Variants in OTOGL observed in about 807,000 individuals in gnomAD.
OTOGL encodes the protein otogelin-like protein.
A neutral mutation model predicts 318.5 loss-of-function variants in OTOGL; 285 were observed. The ratio of observed to expected loss-of-function variants is 0.89; its 90% CI spans 0.81 to 0.99. The LOEUF is 0.99. OTOGL is among the 50% of genes least tolerant of loss of function. The probability of loss-of-function intolerance (pLI) is 0.00; values close to 1 mark genes in which losing one functional copy is unlikely to be tolerated. For synonymous variants in OTOGL, 987 were observed against 936.5 expected (o/e 1.05, Z -0.99); for missense variants, 2,899 against 2,845.6 (o/e 1.02, Z -0.43).
chr12:80,365,736 A>G (rs1264505874), intron 52 of OTOGL, among the ~76,000 whole-genome samples: 1 of 152,170 alleles, frequency 6.6e-6, no homozygotes, highest in Non-Finnish European at 1.5e-5. Context: ...AGGCACTATA[A>G]AAAGCAAGAC....
At chr12:80,261,916 A>G in intron 18 of OTOGL, 53 bp from the exon 19 acceptor site, 3 of 1,575,708 alleles carry the variant, frequency 1.9e-6, no homozygotes, top group Non-Finnish European at 2.6e-6. Flanking sequence ...TCTGAAGGTT[A>G]TGAACAAATG....
chr12:80,179,964 C>G (rs913622218), intron 1 of OTOGL, among the ~76,000 whole-genome samples: 1 of 152,180 alleles, frequency 6.6e-6, no homozygotes, highest in Non-Finnish European at 1.5e-5. Context: ...TGACAAAGAT[C>G]GAAGACAAAA....
At chr12:80,252,812 G>A (rs959732506) in intron 13 of OTOGL, among the ~76,000 whole-genome samples, 5 of 152,196 alleles carry the variant, frequency 3.3e-5, no homozygotes, top group African/African-American at 1.2e-4. Flanking sequence ...TTCTGTTAGT[G>A]CTACTCAAAG....
chr12:80,124,880 A>C (rs1397924854), intron 1 of OTOGL, among the ~76,000 whole-genome samples: 3 of 152,200 alleles, frequency 2.0e-5, no homozygotes, highest in African/African-American at 7.2e-5. Flanking sequence ...ATTTTCGTAC[A>C]TTGATTTTGT....
chr12:80,254,653 C>T, intron 15 of OTOGL, 83 bp downstream of exon 15: 1 of 1,114,920 alleles, frequency 9.0e-7, no homozygotes, highest in Non-Finnish European at 1.3e-6. Flanking sequence ...TTTATGAAGA[C>T]ATCTCATATA....
At chr12:80,186,825 G>A (rs1486403430) in intron 1 of OTOGL, among the ~76,000 whole-genome samples, 1 of 152,000 alleles carries the variant, frequency 6.6e-6, no homozygotes, top group Non-Finnish European at 1.5e-5. Flanking sequence ...AAAACCCATG[G>A]AGTGCTGCCC....
rs116373706 is a variant in OTOGL, at chr12:80,192,091, T to C, written c.-19-17322T>C. Among the ~76,000 whole-genome samples, 838 of 152,346 alleles carry C rather than the reference T, an allele frequency of 5.5e-3. 10 individuals carry two copies. Among genetic ancestry groups the C allele is most frequent in the African/African-American group, 0.019 (796 of 41,576 alleles). On this transcript the variant is annotated intron_variant, in intron 1 of 58. Transcript: ENST00000547103. ...AACCACTGTTGTTGTTTTCCTCCTC[T>C]TCTTTCCCTGACTTGTGTAACTTCC...
intron 18 of OTOGL, among the ~76,000 whole-genome samples, chr12:80,261,616 A>G (rs567987653): frequency 6.6e-6 from 1 of 152,226 alleles, no homozygotes; most frequent in Non-Finnish European, 1.5e-5. Flanking sequence ...GTATGTGGTT[A>G]AGTCAGGGAG....
At chr12:80,130,378 G>T (rs1400170348) in intron 1 of OTOGL, among the ~76,000 whole-genome samples, 2 of 152,216 alleles carry the variant, frequency 1.3e-5, no homozygotes, top group Non-Finnish European at 2.9e-5. Context: ...TGATTAGATT[G>T]CATGAGCTAA....
At chr12:80,104,439 C>T (rs1045549512) in intron 1 of OTOGL, among the ~76,000 whole-genome samples, 1 of 152,136 alleles carries the variant, frequency 6.6e-6, no homozygotes, top group Non-Finnish European at 1.5e-5. Flanking sequence ...CCAAGAGAGG[C>T]GTGTTCTTTC....
Position 80,279,008 on chromosome 12 carries a change from C to T in OTOGL, c.2790-20C>T. The T allele has an allele frequency of 1.6e-6, 2 of 1,258,472 alleles. No homozygotes were observed. The highest frequency in any genetic ancestry group is 3.2e-5 in the East Asian group (1 of 31,476). 78.0% of individuals were successfully genotyped at this position (1,258,472 alleles called of 1,614,324 possible). Reference sequence around the variant, plus strand: ...TAGAGTCGTTTCTTTAGAAAGGTAACTTTTGTTATTTTTTAATAGCGTTTG... The same window carrying T: ...TAGAGTCGTTTCTTTAGAAAGGTAATTTTTGTTATTTTTTAATAGCGTTTG... On this transcript the variant is annotated intron_variant, in intron 25 of 58. Transcript: ENST00000547103.
chr12:80,350,918 T>A (rs78251572), intron 44 of OTOGL, among the ~76,000 whole-genome samples: 1,787 of 152,314 alleles, frequency 0.012, 31 homozygotes, highest in African/African-American at 0.041. Flanking sequence ...TGCAATCCCA[T>A]GTGTCGATTT....
intron 1 of OTOGL, among the ~76,000 whole-genome samples, chr12:80,159,584 C>T (rs1186480075): frequency 6.6e-6 from 1 of 152,006 alleles, no homozygotes; most frequent in African/African-American, 2.4e-5. Flanking sequence ...CAAAACACTG[C>T]TGAAAGAAAT....
At chr12:80,138,660 T>C (rs1159013142) in intron 1 of OTOGL, among the ~76,000 whole-genome samples, 1 of 152,058 alleles carries the variant, frequency 6.6e-6, no homozygotes, top group Non-Finnish European at 1.5e-5. Context: ...CATTAGCACT[T>C]TGAAGCAAAA....
intron 1 of OTOGL, among the ~76,000 whole-genome samples, chr12:80,197,553 TCAA>T (rs1473058349): frequency 6.6e-6 from 1 of 152,208 alleles, no homozygotes; most frequent in Non-Finnish European, 1.5e-5. Flanking sequence ...GCTATTTTTG[TCAA>T]CACCACTGAA....
intron 30 of OTOGL, among the ~76,000 whole-genome samples, chr12:80,311,017 G>A (rs1224085899): frequency 2.0e-5 from 3 of 152,134 alleles, no homozygotes; most frequent in South Asian, 2.1e-4. Context: ...ATGATTAAGA[G>A]CATAAATGTT....
At chr12:80,241,252 C>A (rs1023523287) in intron 11 of OTOGL, among the ~76,000 whole-genome samples, 4 of 152,024 alleles carry the variant, frequency 2.6e-5, no homozygotes, top group African/African-American at 9.7e-5. Context: ...TTTGTGACAT[C>A]TCTTACTTTT....
chr12:80,136,382 C>T (rs944979697), intron 1 of OTOGL, among the ~76,000 whole-genome samples: 1 of 152,242 alleles, frequency 6.6e-6, no homozygotes, highest in African/African-American at 2.4e-5. Flanking sequence ...TCACAGCCAG[C>T]ATCACCTTTC....
Position 80,302,641 on chromosome 12 carries a change from C to T in OTOGL, c.3071C>T (p.Ser1024Leu). The T allele has an allele frequency of 7.3e-7, 1 of 1,365,266 alleles. No individual in the cohort carries two copies. Among genetic ancestry groups the T allele is most frequent in the South Asian group, 1.8e-5 (1 of 54,160 alleles). 84.6% of individuals were successfully genotyped at this position (1,365,266 alleles called of 1,614,324 possible). ...TTCTTTTTTGTTTTTAAGAAACAATCAGGTTTTTTTCTGGAAAACAAATCT... is the reference window on the plus strand; with the variant it reads ...TTCTTTTTTGTTTTTAAGAAACAATTAGGTTTTTTTCTGGAAAACAAATCT... ...LNDTPYKQKQ[S>L]GFFLENKSTY... The change falls in exon 28 of 59, where the codon TCA becomes TTA. Residue 1024 changes from serine to leucine, a missense_variant. Ser to Leu is a moderately radical substitution (Grantham distance 145). Coordinates refer to ENST00000547103, the MANE Select transcript of OTOGL (RefSeq NM_001378609.3).
Sources: allele counts gnomAD v4.1 joint callset (sites outside exome capture counted in the v4.1 genomes callset), GRCh38; gene constraint gnomAD v4.1.1; transcripts MANE v1.5; gene names NCBI Gene and HGNC (gene_info 2026-07-23, HGNC 2026-07-21).